DYRK1A: variants seen among roughly 807,000 people sequenced by gnomAD.
DYRK1A encodes the protein dual specificity tyrosine phosphorylation regulated kinase 1A.
In DYRK1A, 9 loss-of-function variants were observed where a neutral mutation model predicts 79.7. That is an observed-to-expected ratio of 0.11 (90% CI 0.07 to 0.20). The LOEUF is 0.20. Ranked by LOEUF, DYRK1A falls within the 10% of genes least tolerant of loss-of-function variation. The pLI is 1.00. For synonymous variants in DYRK1A, 349 were observed against 329.7 expected, an observed-to-expected ratio of 1.06 and a Z score of -0.63; for missense variants, 622 against 956.0, an observed-to-expected ratio of 0.65 and a Z score of 4.61.
chr21:37,382,218 T>TA (rs1190947603), intron 1 of DYRK1A, among the ~76,000 whole-genome samples: 37 of 148,328 alleles, frequency 2.5e-4, no homozygotes, highest in Middle Eastern at 3.5e-3. Context: ...TTTTTTTTTT[T>TA]AAAAAAAAAA....
intron 1 of DYRK1A, chr21:37,419,247 A>G (rs1393245664): frequency 6.6e-6 from 1 of 152,166 alleles, no homozygotes; most frequent in Non-Finnish European, 1.5e-5. Flanking sequence ...AGCTTTGTAT[A>G]GTAATTTAGG....
chr21:37,424,882 T>C (rs1266646001), intron 2 of DYRK1A, among the ~76,000 whole-genome samples: 3 of 152,328 alleles, frequency 2.0e-5, no homozygotes, highest in Admixed American at 6.5e-5. Context: ...CTCTGTACAT[T>C]ACAAGAATGT....
intron 2 of DYRK1A, among the ~76,000 whole-genome samples, chr21:37,454,540 G>A (rs1280137038): frequency 6.6e-6 from 1 of 152,044 alleles, no homozygotes; most frequent in Non-Finnish European, 1.5e-5. Context: ...GATTTTTTAG[G>A]TTATGACCTC....
chr21:37,511,984 A>C lies in DYRK1A; in HGVS notation c.1718A>C (p.His573Pro), dbSNP rs759964869. ...CCTACACAGGTCACTGTTGAAACTC[A>C]TCCTGTTCAAGAAACAACCTTTCAT... ...EAPTQVTVET[H>P]PVQETTFHVA... Residue 573 changes from histidine to proline, a missense_variant, in exon 12 of 12, where the codon CAT (histidine) becomes CCT (proline). By Grantham distance (77) the His-to-Pro change is moderately conservative. Around this residue, in one of 5 missense-constraint regions of DYRK1A, gnomAD observed 292 missense variants for 316.7 expected, o/e 0.92. Transcript: ENST00000647188. 1 of 1,614,156 alleles carries C rather than the reference A, an allele frequency of 6.2e-7. No homozygotes were observed. The highest frequency in any genetic ancestry group is 1.3e-5 in the African/African-American group (1 of 75,028).
chr21:37,435,554 T>TA (rs2050899782), intron 2 of DYRK1A, among the ~76,000 whole-genome samples: 1 of 152,230 alleles, frequency 6.6e-6, no homozygotes, highest in African/African-American at 2.4e-5. Context: ...TATGAAATCT[T>TA]AAATACTTCA....
At chr21:37,368,627 G>A (rs2049366308) in intron 1 of DYRK1A, among the ~76,000 whole-genome samples, 1 of 152,016 alleles carries the variant, frequency 6.6e-6, no homozygotes, top group African/African-American at 2.4e-5. Context: ...TGTTTTTAGG[G>A]TTTTCAGTGG....
At chr21:37,511,103 T>TGAC (rs936200925) in intron 11 of DYRK1A, among the ~76,000 whole-genome samples, 1 of 152,168 alleles carries the variant, frequency 6.6e-6, no homozygotes, top group African/African-American at 2.4e-5. Context: ...TGAGAGATTT[T>TGAC]GACCCAGGGG....
intron 11 of DYRK1A, among the ~76,000 whole-genome samples, chr21:37,510,962 A>G (rs557286195): frequency 8.9e-4 from 135 of 152,208 alleles, no homozygotes; most frequent in Non-Finnish European, 1.6e-3. Context: ...TTGAGGCAGC[A>G]TCAGCCAGAG....
At chr21:37,405,124 A>C (rs891329744) in intron 1 of DYRK1A, among the ~76,000 whole-genome samples, 2 of 152,034 alleles carry the variant, frequency 1.3e-5, no homozygotes, top group Non-Finnish European at 2.9e-5. Context: ...TAGATACTTA[A>C]ATGATTTTTT....
At chr21:37,443,936 G>C (rs1206983930) in intron 2 of DYRK1A, among the ~76,000 whole-genome samples, 2 of 152,170 alleles carry the variant, frequency 1.3e-5, no homozygotes, top group African/African-American at 4.8e-5. Flanking sequence ...AACATTCTGA[G>C]GTACTGGGGT....
rs1257040314 is a variant in DYRK1A at position 37,522,511 on chromosome 21, A to C, written c.*9980A>C. 1 of 152,210 alleles carries C rather than the reference A, an allele frequency of 6.6e-6. No homozygotes were observed. The highest frequency in any genetic ancestry group is 1.5e-5 in the Non-Finnish European group (1 of 68,046). 9.4% of individuals were successfully genotyped at this position (152,210 alleles called of 1,614,324 possible). A position where few individuals can be genotyped will look rare whatever the true frequency, so the allele number is the denominator to read the frequency against. Reference sequence around the variant, plus strand: ...GATGGTCCCTGTAGCTGCTGTGACCACTAGAAGCAGGGTTAGGGGCGAGAC... The same window carrying C: ...GATGGTCCCTGTAGCTGCTGTGACCCCTAGAAGCAGGGTTAGGGGCGAGAC... On this transcript the variant is annotated 3_prime_UTR_variant, in exon 12 of 12. Transcript: ENST00000647188.
chr21:37,407,086 A>G (rs549901084), intron 1 of DYRK1A, among the ~76,000 whole-genome samples: 2 of 152,136 alleles, frequency 1.3e-5, no homozygotes, highest in East Asian at 1.9e-4. Context: ...ATAAGTGCTC[A>G]TATTCTTGTT....
chr21:37,511,364 C>A (rs1317092460), intron 11 of DYRK1A, among the ~76,000 whole-genome samples: 1 of 152,142 alleles, frequency 6.6e-6, no homozygotes, highest in African/African-American at 2.4e-5. Flanking sequence ...ACAAGGAGTT[C>A]ATTTAAGGGG....
intron 11 of DYRK1A, among the ~76,000 whole-genome samples, chr21:37,510,992 A>G (rs973879754): frequency 2.6e-5 from 4 of 152,160 alleles, no homozygotes; most frequent in African/African-American, 9.7e-5. Flanking sequence ...AAGGCTCTGG[A>G]ACTGAAGCGA....
intron 2 of DYRK1A, chr21:37,429,052 G>C (rs1297596333): frequency 6.6e-6 from 1 of 151,990 alleles, no homozygotes; most frequent in African/African-American, 2.4e-5. Flanking sequence ...AAAGTGTAGA[G>C]ATCCATATTG....
chr21:37,502,294 T>C lies in DYRK1A; in HGVS notation c.1213-2989T>C, dbSNP rs188981479. 3 of 152,324 alleles carry C rather than the reference T, an allele frequency of 2.0e-5. No individual in the cohort carries two copies. The East Asian group carries it at 5.8e-4, about 29-fold the overall frequency. 9.4% of individuals were successfully genotyped at this position (152,324 alleles called of 1,614,324 possible). A position where few individuals can be genotyped will look rare whatever the true frequency, so the allele number is the denominator to read the frequency against. On this transcript the variant is annotated intron_variant, in intron 9 of 11. Coordinates refer to ENST00000647188, the MANE Select transcript of DYRK1A (RefSeq NM_001347721.2). ...AGTTTTGGGTTTAAGACTTGTCTTATTTGTGTTCTGTTTGTCTTTCCTGTT... is the reference window on the plus strand; with the variant it reads ...AGTTTTGGGTTTAAGACTTGTCTTACTTGTGTTCTGTTTGTCTTTCCTGTT...
At chr21:37,433,865 G>A (rs904687945) in intron 2 of DYRK1A, among the ~76,000 whole-genome samples, 4 of 152,134 alleles carry the variant, frequency 2.6e-5, no homozygotes, top group African/African-American at 4.8e-5. Flanking sequence ...GGGATCTTAC[G>A]CATTATGTTT....
chr21:37,424,807 A>G (rs986009039), intron 2 of DYRK1A, among the ~76,000 whole-genome samples: 4 of 152,144 alleles, frequency 2.6e-5, no homozygotes, highest in Non-Finnish European at 5.9e-5. Flanking sequence ...TAGGAGTCAT[A>G]ATGTTTGAAA....
At chr21:37,452,566 G>A (rs1024006454) in intron 2 of DYRK1A, among the ~76,000 whole-genome samples, 3 of 152,154 alleles carry the variant, frequency 2.0e-5, no homozygotes, top group Admixed American at 2.0e-4. Context: ...TTCTATAGCA[G>A]TGAGTGCTCC....
Sources: allele counts gnomAD v4.1 joint callset (sites outside exome capture counted in the v4.1 genomes callset), GRCh38; gene constraint gnomAD v4.1.1; regional missense constraint gnomAD v4.1.1; transcripts MANE v1.5; gene names NCBI Gene and HGNC (gene_info 2026-07-23, HGNC 2026-07-21).